PTPRD: variants seen among roughly 807,000 people sequenced by gnomAD.
PTPRD encodes the protein receptor-type tyrosine-protein phosphatase delta.
A neutral mutation model predicts 214.5 loss-of-function variants in PTPRD; 34 were observed. The ratio of observed to expected loss-of-function variants is 0.16; its 90% CI spans 0.12 to 0.21. The LOEUF is 0.21. Ranked by LOEUF, PTPRD falls within the 10% of genes least tolerant of loss-of-function variation. PTPRD has a pLI of 1.00. For missense variants in PTPRD, 2,545 were observed against 2,398.7 expected (o/e 1.06, Z -1.27); for synonymous variants, 1,128 against 845.7 (o/e 1.33, Z -5.79).
At chr9:9,317,674 G>A (rs1156799189) in intron 9 of PTPRD, among the ~76,000 whole-genome samples, 1 of 151,944 alleles carries the variant, frequency 6.6e-6, no homozygotes, top group Non-Finnish European at 1.5e-5. Flanking sequence ...AGTTTTGATT[G>A]TTATTCCATG....
chr9:8,832,400 C>G lies in PTPRD; in HGVS notation c.-103-98454G>C, dbSNP rs572929049. ...ATGTCAAATGTAAAGCAAGGGGCAG[C>G]TAAAATCATCTTTTTTTTTTTTTTT... On this transcript the variant is annotated intron_variant, in intron 11 of 45. Coordinates refer to ENST00000381196, the MANE Select transcript of PTPRD (RefSeq NM_002839.4). Among the ~76,000 whole-genome samples, 10 of 117,740 alleles carry G rather than the reference C, an allele frequency of 8.5e-5. No homozygotes were observed. The South Asian group carries it at 2.5e-3, about 29-fold the overall frequency. The allele number at this position is 117,740 out of a possible 152,430, so 77.2% of individuals were successfully genotyped here.
At chr9:9,897,650 A>G (rs1367765444) in intron 5 of PTPRD, among the ~76,000 whole-genome samples, 2 of 152,110 alleles carry the variant, frequency 1.3e-5, no homozygotes, top group Non-Finnish European at 2.9e-5. Context: ...AATATGGACA[A>G]TTTAAATTAT....
chr9:9,032,797 C>CTTAT (rs1405028254), intron 10 of PTPRD, among the ~76,000 whole-genome samples: 2 of 152,050 alleles, frequency 1.3e-5, no homozygotes, highest in East Asian at 3.9e-4. Context: ...GCAAATAGAG[C>CTTAT]TTATATTAAT....
chr9:9,367,890 G>A (rs1319119330), intron 9 of PTPRD, among the ~76,000 whole-genome samples: 1 of 151,656 alleles, frequency 6.6e-6, no homozygotes, highest in Non-Finnish European at 1.5e-5. Flanking sequence ...TCTATTTTCT[G>A]TCTCTTCCAA....
chr9:9,491,531 A>G (rs1038297296), intron 8 of PTPRD, among the ~76,000 whole-genome samples: 11 of 152,050 alleles, frequency 7.2e-5, no homozygotes, highest in African/African-American at 2.4e-4. Flanking sequence ...AGGACAAGCC[A>G]TATGTTAGGT....
intron 2 of PTPRD, among the ~76,000 whole-genome samples, chr9:10,540,944 G>T (rs1402792603): frequency 6.6e-6 from 1 of 152,130 alleles, no homozygotes; most frequent in African/African-American, 2.4e-5. Flanking sequence ...ACTGGCAGGG[G>T]TGTATGGGAA....
At chr9:9,016,570 C>T (rs1028846128) in intron 11 of PTPRD, among the ~76,000 whole-genome samples, 2 of 152,124 alleles carry the variant, frequency 1.3e-5, no homozygotes, top group Admixed American at 6.6e-5. Flanking sequence ...AAGGCACCCA[C>T]AGCAGGATAT....
At chr9:9,709,663 A>T (rs578024285) in intron 7 of PTPRD, among the ~76,000 whole-genome samples, 2 of 152,046 alleles carry the variant, frequency 1.3e-5, no homozygotes, top group Admixed American at 6.5e-5. Context: ...TATTTGGGTG[A>T]TGGAGCAGAT....
At chr9:9,274,545 T>C (rs1219143477) in intron 9 of PTPRD, among the ~76,000 whole-genome samples, 3 of 151,242 alleles carry the variant, frequency 2.0e-5, no homozygotes, top group Admixed American at 1.3e-4. Context: ...CTATCCCAAC[T>C]CTTGCCACTA....
chr9:8,907,533 A>AAATATATAT (rs3046919), intron 11 of PTPRD, among the ~76,000 whole-genome samples: 56 of 118,222 alleles, frequency 4.7e-4, no homozygotes, highest in African/African-American at 1.9e-3. Context: ...AAAAAAAAAA[A>AAATATATAT]ATATATATAT....
chr9:9,882,948 T>C (rs903311075), intron 5 of PTPRD, among the ~76,000 whole-genome samples: 8 of 152,130 alleles, frequency 5.3e-5, no homozygotes, highest in African/African-American at 1.7e-4. Flanking sequence ...CCCTTCTCTC[T>C]TTCTCCCTCA....
chr9:9,089,001 C>A (rs995747342), intron 10 of PTPRD, among the ~76,000 whole-genome samples: 6 of 152,114 alleles, frequency 3.9e-5, no homozygotes, highest in African/African-American at 1.4e-4. Flanking sequence ...TTGAAGGGAA[C>A]ACAAGGGTTT....
intron 10 of PTPRD, among the ~76,000 whole-genome samples, chr9:9,078,874 T>C (rs1393625976): frequency 6.6e-6 from 1 of 152,088 alleles, no homozygotes; most frequent in Non-Finnish European, 1.5e-5. Context: ...TAAAGTACAA[T>C]AGTTTCAATA....
At chr9:8,461,830 T>C (rs925843505) in intron 32 of PTPRD, among the ~76,000 whole-genome samples, 1 of 151,854 alleles carries the variant, frequency 6.6e-6, no homozygotes, top group Non-Finnish European at 1.5e-5. Flanking sequence ...AAATTTTTTT[T>C]ATAGAGATGG....
chr9:10,425,388 T>C (rs1738266501), intron 2 of PTPRD, among the ~76,000 whole-genome samples: 1 of 152,020 alleles, frequency 6.6e-6, no homozygotes, highest in East Asian at 1.9e-4. Flanking sequence ...TCTCATTTTG[T>C]TCAACTTTAT....
At chr9:9,033,846 T>C (rs1455212914) in intron 10 of PTPRD, among the ~76,000 whole-genome samples, 4 of 152,156 alleles carry the variant, frequency 2.6e-5, no homozygotes, top group Non-Finnish European at 4.4e-5. Flanking sequence ...CAATTGTACC[T>C]GATTTTCTAA....
At chr9:9,349,757 GTT>G (rs60320413) in intron 9 of PTPRD, among the ~76,000 whole-genome samples, 6 of 147,200 alleles carry the variant, frequency 4.1e-5, no homozygotes, top group African/African-American at 1.5e-4. Context: ...CCCATCACAT[GTT>G]TTTTTTTTGT....
intron 2 of PTPRD, among the ~76,000 whole-genome samples, chr9:10,575,084 C>A (rs1020277838): frequency 4.0e-5 from 6 of 151,680 alleles, no homozygotes; most frequent in African/African-American, 1.5e-4. Flanking sequence ...GCAGTATGAC[C>A]AACATCCTTT....
intron 5 of PTPRD, among the ~76,000 whole-genome samples, chr9:9,790,730 A>T (rs1281822634): frequency 1.3e-5 from 2 of 152,218 alleles, no homozygotes; most frequent in Non-Finnish European, 2.9e-5. Flanking sequence ...TTCAGTTCTT[A>T]TATTTTTGGC....
Sources: allele counts gnomAD v4.1 joint callset (sites outside exome capture counted in the v4.1 genomes callset), GRCh38; gene constraint gnomAD v4.1.1; transcripts MANE v1.5; gene names NCBI Gene and HGNC (gene_info 2026-07-23, HGNC 2026-07-21).